Variants in UBE2V2 observed in about 807,000 individuals in gnomAD.
UBE2V2 encodes ubiquitin-conjugating enzyme E2 variant 2.
In UBE2V2, 9 loss-of-function variants were observed where a neutral mutation model predicts 17.2. The observed-to-expected ratio is 0.52, with a 90% CI of 0.32 to 0.91. The LOEUF is 0.91. Among genes scored for constraint, UBE2V2 ranks in the 40% least tolerant of loss-of-function variants. The pLI is 0.04. For missense variants in UBE2V2, 133 were observed against 182.6 expected (o/e 0.73, Z 1.56); for synonymous variants, 61 against 57.5 (o/e 1.06, Z -0.28).
At chr8:48,047,365 T>G (rs1376502598) in intron 2 of UBE2V2, among the ~76,000 whole-genome samples, 1 of 152,232 alleles carries the variant, frequency 6.6e-6, no homozygotes, top group Admixed American at 6.5e-5. Flanking sequence ...GTTTAGTACT[T>G]TTTCAAGTTT....
chr8:48,008,369 G>C, upstream of UBE2V2: 4 of 1,511,098 alleles, frequency 2.6e-6, no homozygotes, highest in Non-Finnish European at 3.5e-6. Flanking sequence ...AGTCCGCTGT[G>C]ACGCGTGCAG....
intron 1 of UBE2V2, among the ~76,000 whole-genome samples, chr8:48,032,062 TATC>T (rs973918262): frequency 3.9e-5 from 6 of 152,226 alleles, no homozygotes; most frequent in African/African-American, 1.4e-4. Context: ...AAAATTATGG[TATC>T]ATGTAGTTGG....
intron 1 of UBE2V2, among the ~76,000 whole-genome samples, chr8:48,035,632 TG>T (rs369078740): frequency 0.019 from 1,720 of 88,898 alleles, 61 homozygotes; most frequent in African/African-American, 0.065. Context: ...TTTTTTTTTT[TG>T]TGTGTGTGTG....
chr8:48,014,142 T>C (rs931372096), intron 1 of UBE2V2, among the ~76,000 whole-genome samples: 1 of 152,142 alleles, frequency 6.6e-6, no homozygotes, highest in African/African-American at 2.4e-5. Flanking sequence ...TTTTTCTAGG[T>C]CATTTGGGAG....
intron 1 of UBE2V2, among the ~76,000 whole-genome samples, chr8:48,013,763 CA>C (rs1302965546): frequency 1.3e-5 from 2 of 152,054 alleles, no homozygotes; most frequent in Non-Finnish European, 2.9e-5. Flanking sequence ...AGGCAGAAAA[CA>C]AAACCAAAAT....
chr8:48,043,380 T>TA (rs2091477332), intron 2 of UBE2V2, 199 bp downstream of exon 2: 1 of 402,426 alleles, frequency 2.5e-6, no homozygotes, highest in Middle Eastern at 6.8e-4. Flanking sequence ...GGAAGGTTGA[T>TA]ATGGTCATTG....
At chr8:48,010,872 G>GTA (rs1470346864) in intron 1 of UBE2V2, among the ~76,000 whole-genome samples, 2 of 143,982 alleles carry the variant, frequency 1.4e-5, no homozygotes, top group Non-Finnish European at 3.1e-5. Flanking sequence ...AAATTTTTTT[G>GTA]TATATATATA....
intron 1 of UBE2V2, among the ~76,000 whole-genome samples, chr8:48,024,032 A>C (rs1205516989): frequency 6.6e-6 from 1 of 152,148 alleles, no homozygotes; most frequent in Non-Finnish European, 1.5e-5. Flanking sequence ...CTTGTTTATA[A>C]AGTCTTAGCT....
chr8:48,064,203 CTG>C lies in UBE2V2; in HGVS notation c.*3377_*3378del, dbSNP rs1802632370. On this transcript the variant is annotated 3_prime_UTR_variant, in exon 4 of 4. Transcript: ENST00000523111. Reference sequence around the variant, plus strand: ...CTTTTATAGTATGCTTTTTAGGCATCTGTATGTGTAATATCATAGTATCATTT... The same window carrying C: ...CTTTTATAGTATGCTTTTTAGGCATCTATGTGTAATATCATAGTATCATTT... 6.6e-6 allele frequency: 1 copy of C among 152,142 alleles called. No individual in the cohort carries two copies. Among genetic ancestry groups the C allele is most frequent in the Non-Finnish European group, 1.5e-5 (1 of 68,036 alleles). The allele number at this position is 152,142 out of a possible 1,614,324, so 9.4% of individuals were successfully genotyped here. A position where few individuals can be genotyped will look rare whatever the true frequency, so the allele number is the denominator to read the frequency against.
upstream of UBE2V2, among the ~76,000 whole-genome samples, chr8:48,008,182 A>G (rs1589846138): frequency 1.3e-5 from 2 of 152,158 alleles, no homozygotes; most frequent in East Asian, 1.9e-4. Context: ...TCGGCCTCCC[A>G]AAGTGCTGGG....
the UBE2V2 span, among the ~76,000 whole-genome samples, chr8:47,998,762 A>C: frequency 3.3e-5 from 5 of 152,022 alleles, no homozygotes; most frequent in Admixed American, 3.3e-4. Context: ...CGGTTTCGGC[A>C]CCAGAATGTA....
intron 1 of UBE2V2, among the ~76,000 whole-genome samples, chr8:48,038,042 T>TTC (rs988662055): frequency 7.9e-5 from 12 of 152,140 alleles, no homozygotes; most frequent in African/African-American, 2.9e-4. Context: ...TTGCCCAGCA[T>TTC]TCTCTCTCTC....
intron 3 of UBE2V2, among the ~76,000 whole-genome samples, chr8:48,053,245 CTG>C (rs753330171): frequency 2.2e-4 from 33 of 152,220 alleles, no homozygotes; most frequent in Non-Finnish European, 4.7e-4. Context: ...TTCTATTGCT[CTG>C]TTAGAGTCAC....
At chr8:48,053,884 A>G (rs762652252) in intron 3 of UBE2V2, among the ~76,000 whole-genome samples, 4 of 150,304 alleles carry the variant, frequency 2.7e-5, no homozygotes, top group Middle Eastern at 3.2e-3. Flanking sequence ...AGCTCACTGC[A>G]ACCTCTTCCT....
chr8:48,006,692 C>T (rs186008574), upstream of UBE2V2, among the ~76,000 whole-genome samples: 25 of 152,182 alleles, frequency 1.6e-4, no homozygotes, highest in Admixed American at 1.6e-3. Flanking sequence ...ACAAAAACCA[C>T]ATGATTATCT....
intron 1 of UBE2V2, among the ~76,000 whole-genome samples, chr8:48,029,411 C>T (rs1468636039): frequency 1.3e-5 from 2 of 152,102 alleles, no homozygotes; most frequent in Non-Finnish European, 2.9e-5. Flanking sequence ...TAAAAACAAC[C>T]TGATGAAGTA....
intron 1 of UBE2V2, among the ~76,000 whole-genome samples, chr8:48,010,090 G>GTA (rs2091217044): frequency 6.6e-6 from 1 of 152,096 alleles, no homozygotes; most frequent in Non-Finnish European, 1.5e-5. Flanking sequence ...CTATACATGA[G>GTA]TGTATGTTAA....
chr8:48,039,196 C>T (rs1482640181), intron 1 of UBE2V2, among the ~76,000 whole-genome samples: 3 of 152,102 alleles, frequency 2.0e-5, no homozygotes, highest in African/African-American at 4.8e-5. Flanking sequence ...CACCGTGCCT[C>T]GCCCGACCCC....
the UBE2V2 span, among the ~76,000 whole-genome samples, chr8:47,997,537 A>T: frequency 1.3e-5 from 2 of 152,042 alleles, no homozygotes; most frequent in African/African-American, 4.8e-5. Flanking sequence ...AATAATATAG[A>T]GATCATGCCA....
Sources: allele counts gnomAD v4.1 joint callset (sites outside exome capture counted in the v4.1 genomes callset), GRCh38; gene constraint gnomAD v4.1.1; transcripts MANE v1.5; gene names NCBI Gene and HGNC (gene_info 2026-07-23, HGNC 2026-07-21).